CBLB: variants seen among roughly 807,000 people sequenced by gnomAD.
The protein encoded by CBLB is E3 ubiquitin-protein ligase CBL-B.
In CBLB, 31 loss-of-function variants were observed where a neutral mutation model predicts 104.9. That is an observed-to-expected ratio of 0.30 (90% CI 0.22 to 0.40). The LOEUF (loss-of-function observed/expected upper bound fraction) is 0.40, where lower values mean the gene tolerates loss of function less well. CBLB is among the 10% of genes least tolerant of loss of function. The pLI, the probability that CBLB is intolerant of heterozygous loss-of-function variation, is 1.00. For missense variants in CBLB, 1,062 were observed against 1,214.6 expected (o/e 0.87, Z 1.87); for synonymous variants, 440 against 422.6 (o/e 1.04, Z -0.51).
intron 3 of CBLB, among the ~76,000 whole-genome samples, chr3:105,816,219 A>G (rs1052560022): frequency 6.6e-6 from 1 of 152,148 alleles, no homozygotes; most frequent in Non-Finnish European, 1.5e-5. Context: ...AAGAAAAAAA[A>G]AATTGCATGA....
At chr3:105,708,661 T>C (rs1464909139) in intron 10 of CBLB, among the ~76,000 whole-genome samples, 3 of 151,956 alleles carry the variant, frequency 2.0e-5, no homozygotes, top group Non-Finnish European at 2.9e-5. Context: ...TCAGTTATAA[T>C]ATAAAGAGGC....
At chr3:105,803,424 G>A (rs2083134049) in intron 3 of CBLB, among the ~76,000 whole-genome samples, 1 of 152,018 alleles carries the variant, frequency 6.6e-6, no homozygotes. Context: ...AAGTGTCAAG[G>A]GTAGCATAAA....
chr3:105,693,419 A>T, intron 13 of CBLB, 75 bp downstream of exon 13: 1 of 802,494 alleles, frequency 1.2e-6, no homozygotes, highest in Non-Finnish European at 2.0e-6. Context: ...TAGTGTCTGT[A>T]CTGAGAACCT....
In CBLB at chr3:105,659,160, C is replaced by T. The variant is rs368623896; in HGVS notation, c.2759G>A (p.Arg920Lys). ...TGCCGCCTCAGGCCCATGGGGTTTT[C>T]TGTGGTGAATTTCTGGTGCAGTCCT... ...PRRTAPEIHH[R>K]KPHGPEAALE... Residue 920 changes from arginine (R) to lysine (K), a missense_variant, in exon 19 of 19, where the codon AGA becomes AAA. This residue lies in a region of CBLB where 605 missense variants were observed against 582.6 expected (regional missense o/e 1.04). Coordinates refer to ENST00000394030, the MANE Select transcript of CBLB (RefSeq NM_170662.5). 1 of 1,613,960 alleles carries T rather than the reference C, an allele frequency of 6.2e-7. No homozygotes were observed. Among genetic ancestry groups the T allele is most frequent in the South Asian group, 1.1e-5 (1 of 91,078 alleles).
At chr3:105,678,354 T>A in intron 17 of CBLB, 77 bp downstream of exon 17, 5 of 1,413,658 alleles carry the variant, frequency 3.5e-6, no homozygotes, top group Non-Finnish European at 5.0e-6. Context: ...AATGAATCAC[T>A]AACATTTATT....
chr3:105,734,161 A>G, intron 8 of CBLB, 21 bp from the exon 9 acceptor site: 1 of 1,612,466 alleles, frequency 6.2e-7, no homozygotes, highest in Non-Finnish European at 8.5e-7. Context: ...GGGAGGAGGG[A>G]GAAAGTAATG....
At chr3:105,819,634 TGATATCATCA>T (rs956199015) in intron 3 of CBLB, among the ~76,000 whole-genome samples, 14 of 152,232 alleles carry the variant, frequency 9.2e-5, no homozygotes, top group Non-Finnish European at 1.6e-4. Context: ...TCTACAAATG[TGATATCATCA>T]GAACTTTGCA....
chr3:105,703,400 G>A (rs540224393), intron 11 of CBLB, among the ~76,000 whole-genome samples: 5 of 152,028 alleles, frequency 3.3e-5, no homozygotes, highest in African/African-American at 7.2e-5. Flanking sequence ...TATCAAATTC[G>A]AGGAAAAAAT....
rs961515422 is a variant in CBLB, at chr3:105,655,976, G to C, written c.*2994C>G. On this transcript the variant is annotated 3_prime_UTR_variant, in exon 19 of 19. Transcript: ENST00000394030. ...TGGGACCCTTTTAAGTTGCAGTGAG[G>C]GTTCTATTATGAAGACTATTTGCAA... 1 of 228,258 alleles carries C rather than the reference G, an allele frequency of 4.4e-6. No individual in the cohort carries two copies. The highest frequency in any genetic ancestry group is 6.3e-5 in the East Asian group (1 of 15,992). The allele number at this position is 228,258 out of a possible 1,614,324, so 14.1% of individuals were successfully genotyped here. A position where few individuals can be genotyped will look rare whatever the true frequency, so the allele number is the denominator to read the frequency against.
At chr3:105,764,040 C>T (rs2077953911) in intron 4 of CBLB, among the ~76,000 whole-genome samples, 2 of 152,306 alleles carry the variant, frequency 1.3e-5, no homozygotes, top group Non-Finnish European at 2.9e-5. Flanking sequence ...ATGGATAATG[C>T]ATATCCTTTG....
intron 18 of CBLB, among the ~76,000 whole-genome samples, chr3:105,664,874 C>T (rs1304933354): frequency 6.6e-6 from 1 of 152,134 alleles, no homozygotes; most frequent in Non-Finnish European, 1.5e-5. Flanking sequence ...TCACTATTAT[C>T]ATGATTTTAC....
intron 8 of CBLB, among the ~76,000 whole-genome samples, chr3:105,735,714 G>A (rs2074848864): frequency 6.6e-6 from 1 of 152,148 alleles, no homozygotes; most frequent in African/African-American, 2.4e-5. Flanking sequence ...ACTTTGGGAG[G>A]GCGAGGCGGG....
rs373622491 is a variant in CBLB, at chr3:105,759,418, T to C, written c.567-7800A>G. On this transcript the variant is annotated intron_variant, in intron 4 of 18. Coordinates refer to ENST00000394030, the MANE Select transcript of CBLB (RefSeq NM_170662.5). ...TGAAGGTAGGGCTTCAATGGGGACCTGCCCCTTTCCACCCATGAGCCTGTC... is the reference window on the plus strand; with the variant it reads ...TGAAGGTAGGGCTTCAATGGGGACCCGCCCCTTTCCACCCATGAGCCTGTC... 3.3e-5 allele frequency among the ~76,000 whole-genome samples: 5 copies of C among 152,328 alleles called. No homozygotes were observed. In the East Asian group the frequency reaches 5.8e-4, roughly 18 times the overall value.
intron 2 of CBLB, among the ~76,000 whole-genome samples, chr3:105,859,563 G>A (rs2091920606): frequency 2.0e-5 from 3 of 151,222 alleles, no homozygotes; most frequent in Admixed American, 1.3e-4. Context: ...GCTGAGGCAG[G>A]AGAATGGCGT....
intron 5 of CBLB, among the ~76,000 whole-genome samples, chr3:105,747,587 A>C (rs1321895945): frequency 1.3e-5 from 2 of 152,202 alleles, no homozygotes; most frequent in African/African-American, 4.8e-5. Context: ...GAGGTTGAAA[A>C]AAATGCATGT....
chr3:105,783,215 C>T (rs1403867409), intron 3 of CBLB, among the ~76,000 whole-genome samples: 2 of 152,148 alleles, frequency 1.3e-5, no homozygotes, highest in South Asian at 2.1e-4. Flanking sequence ...TAACCTGTTT[C>T]CTCATTTCTA....
rs1262417165 is a variant in CBLB at position 105,745,991 on chromosome 3, A to G, written c.771T>C (p.His257=). The part of the protein sequence containing the change: ...LRNWNFLAVT[H]PGYMAFLTYD... ...ATGTGAGAAATGCCATGTAACCTGG[A>G]TGTGTCACAGCTAAGAAATTCCAAT... Residue 257 remains histidine (H), a synonymous_variant, in exon 6 of 19, where the codon CAT becomes CAC. Transcript: ENST00000394030. 6.2e-7 allele frequency: 1 copy of G among 1,610,886 alleles called. No homozygotes were observed. Among genetic ancestry groups the G allele is most frequent in the East Asian group, 2.2e-5 (1 of 44,834 alleles).
At chr3:105,753,570 A>C (rs966810640) in intron 4 of CBLB, among the ~76,000 whole-genome samples, 1 of 152,184 alleles carries the variant, frequency 6.6e-6, no homozygotes, top group Non-Finnish European at 1.5e-5. Context: ...CAGAGTAAAA[A>C]AAATATGATC....
intron 10 of CBLB, among the ~76,000 whole-genome samples, chr3:105,718,405 C>T (rs1416787886): frequency 6.6e-6 from 1 of 152,002 alleles, no homozygotes; most frequent in Non-Finnish European, 1.5e-5. Context: ...GTAAAATATC[C>T]TAAGGGAATG....
Sources: allele counts gnomAD v4.1 joint callset (sites outside exome capture counted in the v4.1 genomes callset), GRCh38; gene constraint gnomAD v4.1.1; regional missense constraint gnomAD v4.1.1; transcripts MANE v1.5; gene names NCBI Gene and HGNC (gene_info 2026-07-23, HGNC 2026-07-21).